MANEA: variants seen among roughly 807,000 people sequenced by gnomAD.
The protein encoded by MANEA is mannosidase endo-alpha.
A neutral mutation model predicts 36.8 loss-of-function variants in MANEA; 25 were observed. That is an observed-to-expected ratio of 0.68 (90% CI 0.50 to 0.95). The LOEUF is 0.95. MANEA is among the 40% of genes least tolerant of loss of function. MANEA has a pLI of 0.00. For synonymous variants in MANEA, 198 were observed against 188.5 expected (o/e 1.05, Z -0.41); for missense variants, 565 against 558.8 (o/e 1.01, Z -0.11).
At chr6:95,588,547 A>G (rs1203282549) in intron 2 of MANEA, among the ~76,000 whole-genome samples, 7 of 151,918 alleles carry the variant, frequency 4.6e-5, no homozygotes, top group Admixed American at 1.3e-4. Context: ...TGTCTCTACT[A>G]ATTTGCTTTT....
rs1769284122 is a variant in MANEA, at chr6:95,586,496, T to C, written c.57T>C (p.Ile19=). 6.2e-7 allele frequency: 1 copy of C among 1,613,666 alleles called. No individual in the cohort carries two copies. Among genetic ancestry groups the C allele is most frequent in the African/African-American group, 1.3e-5 (1 of 75,010 alleles). ...TTTTGGCACTTTTTATTCTATTTAT[T>C]TTCTCTCTGATGATGGGTTTAAAAA... ...CIILALFILF[I]FSLMMGLKML... Residue 19 remains isoleucine (I), a synonymous_variant, in exon 2 of 5, where the codon ATT becomes ATC. Coordinates refer to ENST00000358812, the MANE Select transcript of MANEA (RefSeq NM_024641.4).
At chr6:95,578,642 C>G (rs1305298181) in intron 1 of MANEA, among the ~76,000 whole-genome samples, 1 of 151,762 alleles carries the variant, frequency 6.6e-6, no homozygotes, top group East Asian at 1.9e-4. Context: ...AGAAAAACAC[C>G]CCCCAAAACA....
At chr6:95,592,874 T>C (rs1225468310) in intron 2 of MANEA, among the ~76,000 whole-genome samples, 3 of 152,190 alleles carry the variant, frequency 2.0e-5, no homozygotes, top group Admixed American at 2.0e-4. Context: ...TATCTGATTT[T>C]TATACCCTAT....
At chr6:95,592,077 G>A (rs886133626) in intron 2 of MANEA, among the ~76,000 whole-genome samples, 4 of 152,114 alleles carry the variant, frequency 2.6e-5, no homozygotes, top group Non-Finnish European at 4.4e-5. Context: ...TATTTATCTC[G>A]CAACTGTTAA....
chr6:95,605,613 A>T (rs1225769501), intron 4 of MANEA, 135 bp from the exon 5 acceptor site: 8 of 626,826 alleles, frequency 1.3e-5, no homozygotes, highest in Non-Finnish European at 1.7e-5. Context: ...TATTACACTT[A>T]CACAACTGAT....
intron 1 of MANEA, among the ~76,000 whole-genome samples, chr6:95,580,231 T>C (rs528390605): frequency 2.6e-5 from 4 of 152,164 alleles, no homozygotes; most frequent in Non-Finnish European, 4.4e-5. Context: ...TATATATATA[T>C]ACACACACAC....
chr6:95,587,932 C>T (rs563730157), intron 2 of MANEA, among the ~76,000 whole-genome samples: 36 of 151,780 alleles, frequency 2.4e-4, no homozygotes, highest in African/African-American at 7.5e-4. Flanking sequence ...TTTCTTCTGG[C>T]TTATGTTATT....
intron 2 of MANEA, among the ~76,000 whole-genome samples, chr6:95,594,060 C>CA (rs565209547): frequency 1.1e-3 from 143 of 130,272 alleles, no homozygotes; most frequent in Middle Eastern, 4.0e-3. Context: ...GATTCCGTCT[C>CA]AAAAAAAAAA....
chr6:95,596,545 A>G (rs1769485919), intron 2 of MANEA, among the ~76,000 whole-genome samples, 192 bp from the exon 3 acceptor site: 2 of 152,126 alleles, frequency 1.3e-5, no homozygotes, highest in Non-Finnish European at 2.9e-5. Flanking sequence ...AAGCTTATTA[A>G]TGCCTGATAA....
At chr6:95,590,811 AT>A (rs1267308663) in intron 2 of MANEA, among the ~76,000 whole-genome samples, 2 of 152,202 alleles carry the variant, frequency 1.3e-5, no homozygotes, top group Non-Finnish European at 1.5e-5. Flanking sequence ...TTCACCACTG[AT>A]ATTCCCTATG....
intron 2 of MANEA, 21 bp from the exon 3 acceptor site, chr6:95,596,716 C>G (rs1052656327): frequency 1.5e-6 from 2 of 1,293,912 alleles, no homozygotes; most frequent in African/African-American, 2.9e-5. Context: ...TTTTCCCTTT[C>G]TTTTTGGTCT....
intron 1 of MANEA, 149 bp downstream of exon 1, chr6:95,577,787 T>C (rs1769096652): frequency 6.6e-6 from 1 of 152,272 alleles, no homozygotes; most frequent in South Asian, 2.1e-4. Flanking sequence ...GGCGCCCCTC[T>C]GGCAGGCGCT....
chr6:95,578,640 A>AC (rs1354428416), intron 1 of MANEA, among the ~76,000 whole-genome samples: 1 of 152,032 alleles, frequency 6.6e-6, no homozygotes, highest in African/African-American at 2.4e-5. Context: ...GCAGAAAAAC[A>AC]CCCCCCAAAA....
At chr6:95,602,845 C>T (rs1369384121) in intron 3 of MANEA, among the ~76,000 whole-genome samples, 2 of 148,936 alleles carry the variant, frequency 1.3e-5, no homozygotes, top group African/African-American at 2.5e-5. Flanking sequence ...AAGGTGAAAC[C>T]CCGTCTCTAC....
At chr6:95,604,609 A>G (rs976012414) in intron 3 of MANEA, among the ~76,000 whole-genome samples, 4 of 151,992 alleles carry the variant, frequency 2.6e-5, no homozygotes, top group African/African-American at 9.7e-5. Context: ...TACCTTAGGG[A>G]GTTGTGAAGA....
chr6:95,603,104 T>A, intron 3 of MANEA, among the ~76,000 whole-genome samples: 1 of 150,092 alleles, frequency 6.7e-6, no homozygotes, highest in Non-Finnish European at 1.5e-5. Context: ...TGAGGGAAAA[T>A]TTTAAATATT....
At position 95,609,102 on chromosome 6, in the gene MANEA, T is replaced by C. The variant is rs986706547; in HGVS notation, c.*2697T>C. 3 of 151,838 alleles carry C rather than the reference T, an allele frequency of 2.0e-5. No homozygotes were observed. The highest frequency in any genetic ancestry group is 4.4e-5 in the Non-Finnish European group (3 of 67,744). 9.4% of individuals were successfully genotyped at this position (151,838 alleles called of 1,614,324 possible). A position where few individuals can be genotyped will look rare whatever the true frequency, so the allele number is the denominator to read the frequency against. On this transcript the variant is annotated 3_prime_UTR_variant, in exon 5 of 5. Coordinates refer to ENST00000358812, the MANE Select transcript of MANEA (RefSeq NM_024641.4). ...AGTTGTAACACAGTTTAAATTGTTA[T>C]GATAACAAGTAAATAAGAGCAAAGA...
intron 1 of MANEA, among the ~76,000 whole-genome samples, chr6:95,582,413 G>A (rs1235546495): frequency 1.3e-5 from 2 of 152,074 alleles, no homozygotes; most frequent in Non-Finnish European, 2.9e-5. Context: ...TTGATCTCCT[G>A]ACCTCGTGAT....
rs1037282382 is a variant in MANEA at position 95,577,569 on chromosome 6, C to G, written c.-108C>G. On this transcript the variant is annotated 5_prime_UTR_variant, in exon 1 of 5. Coordinates refer to ENST00000358812, the MANE Select transcript of MANEA (RefSeq NM_024641.4). ...TCTGGGCTCGGGGCGCGGCGGCAGT[C>G]AGCTCTATGTTCGCGGTCTTAACCT... is the stretch of plus-strand genomic sequence containing the variant. 5.2e-5 allele frequency: 8 copies of G among 152,500 alleles called. No individual in the cohort carries two copies. Among genetic ancestry groups the G allele is most frequent in the East Asian group, 3.9e-4 (2 of 5,182 alleles). 9.4% of individuals were successfully genotyped at this position (152,500 alleles called of 1,614,324 possible). A position where few individuals can be genotyped will look rare whatever the true frequency, so the allele number is the denominator to read the frequency against.
Sources: allele counts gnomAD v4.1 joint callset (sites outside exome capture counted in the v4.1 genomes callset), GRCh38; gene constraint gnomAD v4.1.1; transcripts MANE v1.5; gene names NCBI Gene and HGNC (gene_info 2026-07-23, HGNC 2026-07-21).